Variants in CDKL1 observed in about 807,000 individuals in gnomAD.
The protein encoded by CDKL1 is cyclin dependent kinase like 1.
CDKL1 carries 41 observed loss-of-function variants against 42.0 expected under a neutral mutation model. That is an observed-to-expected ratio of 0.98 (90% CI 0.76 to 1.27). The LOEUF (loss-of-function observed/expected upper bound fraction) is 1.27, where lower values mean the gene tolerates loss of function less well. Ranked by LOEUF, CDKL1 falls within the 50% of genes most tolerant of loss-of-function variation. The pLI is 0.00. For missense variants in CDKL1, 394 were observed against 428.4 expected, an observed-to-expected ratio of 0.92 and a Z score of 0.71; for synonymous variants, 153 against 158.6, an observed-to-expected ratio of 0.96 and a Z score of 0.26.
chr14:50,364,196 G>T (rs4901021), intron 2 of CDKL1, among the ~76,000 whole-genome samples: 101,979 of 152,176 alleles, frequency 0.67, 34,506 homozygotes, highest in African/African-American at 0.74. Context: ...TTAGCTGGGC[G>T]TGGTGACTCA....
rs935371315 is a variant in CDKL1 at position 50,326,930 on chromosome 14, A to G, written c.*3144T>C. On this transcript the variant is annotated 3_prime_UTR_variant, in exon 10 of 10. Transcript: ENST00000395834. ...GTGGTGCATACCTGTAATCTCAGAT[A>G]CTTGGGAGGTTGAGGTGGTAGGATT... 7.3e-5 allele frequency: 13 copies of G among 178,356 alleles called. No individual in the cohort carries two copies. Among genetic ancestry groups the G allele is most frequent in the African/African-American group, 2.9e-4 (12 of 41,876 alleles). 11.0% of individuals were successfully genotyped at this position (178,356 alleles called of 1,614,324 possible). A position where few individuals can be genotyped will look rare whatever the true frequency, so the allele number is the denominator to read the frequency against.
At chr14:50,336,280 A>C in intron 7 of CDKL1, 25 of 1,229,218 alleles carry the variant, frequency 2.0e-5, no homozygotes, top group Non-Finnish European at 2.6e-5. Flanking sequence ...TGTTTCTGTC[A>C]ACAGGAAATC....
At chr14:50,380,997 C>T (rs2139515865) in intron 2 of CDKL1, among the ~76,000 whole-genome samples, 1 of 152,268 alleles carries the variant, frequency 6.6e-6, no homozygotes, top group Admixed American at 6.5e-5. Context: ...ATTGTTGCAC[C>T]TTGTATCCCC....
chr14:50,389,090 C>G (rs2035172533), intron 2 of CDKL1, among the ~76,000 whole-genome samples: 1 of 96,818 alleles, frequency 1.0e-5, no homozygotes, highest in Non-Finnish European at 1.9e-5. Context: ...CAGAGTGAGA[C>G]TGTCTTCAAA....
At chr14:50,397,007 G>T (rs2035432920), upstream of CDKL1, 1 of 1,124,924 alleles carries the variant, frequency 8.9e-7, no homozygotes, top group South Asian at 1.4e-5. Context: ...CCTCCCGGCT[G>T]CAGGGAAAGG....
In CDKL1 at chr14:50,335,347, G is replaced by C; in HGVS notation, c.739-726C>G. The C allele has an allele frequency of 5.9e-6, 3 of 511,004 alleles. No individual in the cohort carries two copies. In the South Asian group the frequency reaches 9.1e-5, roughly 15 times the overall value. 31.7% of individuals were successfully genotyped at this position (511,004 alleles called of 1,614,324 possible). On this transcript the variant is annotated intron_variant, in intron 7 of 9. Transcript: ENST00000395834. ...GCAGCTCTAATTCTAATTATATAAA[G>C]GGAGCTGCAAAATAGATGTTTTTCC...
At chr14:50,336,063 C>T (rs755292276) in intron 7 of CDKL1, 66 of 1,366,208 alleles carry the variant, frequency 4.8e-5, no homozygotes, top group African/African-American at 1.0e-4. Context: ...TGGGGTTTGA[C>T]GTGCCATTGC....
At chr14:50,337,261 G>C (rs550593891) in intron 7 of CDKL1, among the ~76,000 whole-genome samples, 1 of 150,880 alleles carries the variant, frequency 6.6e-6, no homozygotes, top group African/African-American at 2.4e-5. Context: ...CACCTGCCTC[G>C]GCCTCCCAAA....
At chr14:50,360,715 C>T (rs956206013) in intron 2 of CDKL1, among the ~76,000 whole-genome samples, 1 of 152,002 alleles carries the variant, frequency 6.6e-6, no homozygotes, top group Non-Finnish European at 1.5e-5. Flanking sequence ...CATGAGCCAC[C>T]GCGCCCAGCC....
In CDKL1 at chr14:50,332,073, C is replaced by T; in HGVS notation, c.966+189G>A. On this transcript the variant is annotated intron_variant, in intron 9 of 9. Transcript: ENST00000395834. ...ATCAGGAAGCAGCAGGACAAGGGCA[C>T]CTTTAGGATTCAGGGAGAGGGGGCT... is the stretch of plus-strand genomic sequence containing the variant. 4.5e-6 allele frequency: 7 copies of T among 1,555,064 alleles called. No individual in the cohort carries two copies. In the South Asian group the frequency reaches 5.8e-5, roughly 13 times the overall value.
In CDKL1 at chr14:50,342,241, A is replaced by G; in HGVS notation, c.364-19T>C. 6.2e-7 allele frequency: 1 copy of G among 1,601,738 alleles called. No homozygotes were observed. Among genetic ancestry groups the G allele is most frequent in the Non-Finnish European group, 8.6e-7 (1 of 1,168,992 alleles). On this transcript the variant is annotated intron_variant, in intron 4 of 9. Coordinates refer to ENST00000395834, the MANE Select transcript of CDKL1 (RefSeq NM_004196.7). ...GTATGCACTAGTGTAACAAATCAAAACAAAAACAATATTAAGGCTGAACTA... is the reference window on the plus strand; with the variant it reads ...GTATGCACTAGTGTAACAAATCAAAGCAAAAACAATATTAAGGCTGAACTA...
chr14:50,357,421 A>G (rs1468411510), intron 3 of CDKL1, among the ~76,000 whole-genome samples: 3 of 152,200 alleles, frequency 2.0e-5, no homozygotes. Flanking sequence ...AATGGGAGCC[A>G]TTCACAGTCC....
In CDKL1 at chr14:50,334,475, T is replaced by A. The variant is rs763907591; in HGVS notation, c.795+90A>T. 420 of 815,336 alleles carry A rather than the reference T, an allele frequency of 5.2e-4. 2 individuals carry two copies. Among genetic ancestry groups the A allele is most frequent in the Non-Finnish European group, 7.9e-4 (375 of 472,010 alleles). 50.5% of individuals were successfully genotyped at this position (815,336 alleles called of 1,614,324 possible). A position where few individuals can be genotyped will look rare whatever the true frequency, so the allele number is the denominator to read the frequency against. On this transcript the variant is annotated intron_variant, in intron 8 of 9. Coordinates refer to ENST00000395834, the MANE Select transcript of CDKL1 (RefSeq NM_004196.7). ...AGAAGAATTCTAAAAGGAACACTTT[T>A]CATTGCATGGATTGACATAAGTAAT...
intron 2 of CDKL1, among the ~76,000 whole-genome samples, chr14:50,368,414 A>G (rs1425666840): frequency 1.3e-5 from 2 of 151,874 alleles, no homozygotes; most frequent in Admixed American, 6.6e-5. Flanking sequence ...CACCATCATA[A>G]CAAGCTAGTT....
intron 7 of CDKL1, chr14:50,335,753 G>C (rs2033235492): frequency 1.0e-6 from 1 of 985,220 alleles, no homozygotes; most frequent in African/African-American, 1.7e-5. Flanking sequence ...TGACTGGCCA[G>C]GCTCATCTAA....
chr14:50,367,534 G>A (rs1388904607), intron 2 of CDKL1, among the ~76,000 whole-genome samples: 1 of 152,196 alleles, frequency 6.6e-6, no homozygotes, highest in Non-Finnish European at 1.5e-5. Context: ...GCTGAATGGA[G>A]TTCTTTCGGG....
At chr14:50,353,821 A>G (rs539055925) in intron 3 of CDKL1, among the ~76,000 whole-genome samples, 1 of 152,186 alleles carries the variant, frequency 6.6e-6, no homozygotes, top group East Asian at 1.9e-4. Context: ...GCTTGAGCCC[A>G]GGAGTTCAAG....
chr14:50,331,567 G>C (rs1367979640), intron 9 of CDKL1: 1 of 165,556 alleles, frequency 6.0e-6, no homozygotes, highest in African/African-American at 2.4e-5. Flanking sequence ...AAGCTGCAAA[G>C]AGAAAGACTA....
At position 50,383,567 on chromosome 14, in the gene CDKL1, AAACAAC is replaced by A. The variant is rs201144052; in HGVS notation, c.168+12128_168+12133del. Among the ~76,000 whole-genome samples, 136 of 58,516 alleles carry A rather than the reference AAACAAC, an allele frequency of 2.3e-3. 3 individuals carry two copies. In the South Asian group the frequency reaches 0.039, roughly 17 times the overall value. The allele number at this position is 58,516 out of a possible 152,430, so 38.4% of individuals were successfully genotyped here. A position where few individuals can be genotyped will look rare whatever the true frequency, so the allele number is the denominator to read the frequency against. On this transcript the variant is annotated intron_variant, in intron 2 of 9. Coordinates refer to ENST00000395834, the MANE Select transcript of CDKL1 (RefSeq NM_004196.7). Reference sequence around the variant, plus strand: ...GACTGTCTCAAAAAAAAAAAAAAACAAACAACAACAACAACAACAACAAAATGCTGT... The same window carrying A: ...GACTGTCTCAAAAAAAAAAAAAAACAAACAACAACAACAACAAAATGCTGT...
Sources: gnomAD v4.1 joint callset for allele counts (sites outside exome capture counted in the v4.1 genomes callset) on GRCh38, gnomAD v4.1.1 for gene constraint, MANE v1.5 for transcripts, NCBI Gene and HGNC (gene_info 2026-07-23, HGNC 2026-07-21) for gene names.